FNDC1: variants seen among roughly 807,000 people sequenced by gnomAD.
FNDC1 encodes fibronectin type III domain containing 1, also known as fibronectin type III domain-containing protein 1.
FNDC1 carries 96 observed loss-of-function variants against 168.0 expected under a neutral mutation model. The observed-to-expected ratio is 0.57, with a 90% CI of 0.48 to 0.68. The LOEUF is 0.68. FNDC1 is among the 30% of genes least tolerant of loss of function. The pLI, the probability that FNDC1 is intolerant of heterozygous loss-of-function variation, is 0.00. For missense variants in FNDC1, 2,587 were observed against 2,482.1 expected (o/e 1.04, Z -0.90); for synonymous variants, 1,099 against 1,025.9 (o/e 1.07, Z -1.36).
chr6:159,238,549 T>G lies in FNDC1; in HGVS notation c.4069-5T>G, dbSNP rs1407655487. 6.3e-7 allele frequency: 1 copy of G among 1,597,062 alleles called. No individual in the cohort carries two copies. The highest frequency in any genetic ancestry group is 8.6e-7 in the Non-Finnish European group (1 of 1,168,302). ...TATATTCTTTAATCTATGTCATGGA[T>G]TTAGGTTGTGGACCTTGATCGTGGG... is the stretch of plus-strand genomic sequence containing the variant. On this transcript the variant is annotated splice_region_variant and splice_polypyrimidine_tract_variant and intron_variant, in intron 12 of 22. Transcript: ENST00000297267.
chr6:159,271,277 G>C, intron 22 of FNDC1, 50 bp from the exon 23 acceptor site: 3 of 1,306,038 alleles, frequency 2.3e-6, no homozygotes, highest in Non-Finnish European at 3.3e-6. Flanking sequence ...AGTTCTACCT[G>C]TTGGTTCAGG....
At chr6:159,221,907 A>T (rs1347438529) in intron 6 of FNDC1, among the ~76,000 whole-genome samples, 1 of 152,174 alleles carries the variant, frequency 6.6e-6, no homozygotes, top group East Asian at 1.9e-4. Context: ...TTCACTGTTT[A>T]TTTTGAGCCA....
intron 17 of FNDC1, among the ~76,000 whole-genome samples, chr6:159,254,672 C>T (rs1016310048): frequency 1.5e-3 from 214 of 143,864 alleles, no homozygotes; most frequent in Non-Finnish European, 2.1e-3. Context: ...AGTGCCACTG[C>T]ACTCCAGCCT....
chr6:159,175,146 A>G (rs956948918), intron 1 of FNDC1, among the ~76,000 whole-genome samples: 1 of 152,200 alleles, frequency 6.6e-6, no homozygotes, highest in Non-Finnish European at 1.5e-5. Flanking sequence ...ATAAAGTACA[A>G]TCTACATAAT....
chr6:159,250,879 T>C (rs986431523), intron 16 of FNDC1, among the ~76,000 whole-genome samples: 1 of 152,184 alleles, frequency 6.6e-6, no homozygotes, highest in Non-Finnish European at 1.5e-5. Context: ...TTGATCAGTA[T>C]AGATTTTTTC....
At chr6:159,269,615 C>T (rs1164236551) in intron 22 of FNDC1, among the ~76,000 whole-genome samples, 1 of 150,074 alleles carries the variant, frequency 6.7e-6, no homozygotes, top group African/African-American at 2.5e-5. Context: ...ATCTATCTAT[C>T]TATCTATCTA....
rs1399291623 is a variant in FNDC1 at position 159,236,251 on chromosome 6, T to G, written c.4004T>G (p.Leu1335Arg). 1 of 1,613,702 alleles carries G rather than the reference T, an allele frequency of 6.2e-7. No homozygotes were observed. The highest frequency in any genetic ancestry group is 1.3e-5 in the African/African-American group (1 of 74,942). Reference protein sequence around the residue: ...NGRPNVEGKVLPGSNGKPNGQ... With the variant: ...NGRPNVEGKVRPGSNGKPNGQ... Reference sequence around the variant, plus strand: ...AGACCAAATGTAGAAGGGAAAGTCCTTCCTGGTAGTAATGGAAAACCGAAT... The same window carrying G: ...AGACCAAATGTAGAAGGGAAAGTCCGTCCTGGTAGTAATGGAAAACCGAAT... Residue 1335 changes from leucine to arginine, a missense_variant, in exon 12 of 23, where the codon CTT (leucine) becomes CGT (arginine). Coordinates refer to ENST00000297267, the MANE Select transcript of FNDC1 (RefSeq NM_032532.3).
intron 5 of FNDC1, among the ~76,000 whole-genome samples, chr6:159,217,800 C>A (rs1027028226): frequency 3.9e-5 from 6 of 152,132 alleles, no homozygotes; most frequent in Non-Finnish European, 8.8e-5. Context: ...TCTGTTGCAG[C>A]GGCATGTGAA....
chr6:159,249,848 T>A (rs572480919), intron 16 of FNDC1, among the ~76,000 whole-genome samples: 2 of 152,328 alleles, frequency 1.3e-5, no homozygotes, highest in East Asian at 3.9e-4. Context: ...CAGCTTAAAC[T>A]AATATCACAC....
At chr6:159,245,181 A>G (rs1008176650) in intron 14 of FNDC1, among the ~76,000 whole-genome samples, 2 of 152,210 alleles carry the variant, frequency 1.3e-5, no homozygotes, top group Non-Finnish European at 2.9e-5. Context: ...ACTTTCCACC[A>G]GATCCCTCCC....
At position 159,271,371 on chromosome 6, in the gene FNDC1, A is replaced by G. The variant is rs773849478; in HGVS notation, c.5614A>G (p.Ile1872Val). Residue 1872 changes from isoleucine to valine, a missense_variant, in exon 23 of 23, where the codon ATC becomes GTC. By Grantham distance (29) the Ile-to-Val change is conservative (BLOSUM62 3). Coordinates refer to ENST00000297267, the MANE Select transcript of FNDC1 (RefSeq NM_032532.3). ...YRQEPVRFGN[I>V]GFGTPYYYVG... ...TCAGGAGCCTGTCAGGTTTGGGAACATCGGCTTCGGAACCCCCTACTACTA... is the reference window on the plus strand; with the variant it reads ...TCAGGAGCCTGTCAGGTTTGGGAACGTCGGCTTCGGAACCCCCTACTACTA... 1.1e-5 allele frequency: 18 copies of G among 1,612,580 alleles called. No homozygotes were observed. The East Asian group carries it at 2.2e-4, about 20-fold the overall frequency.
At chr6:159,257,697 C>T (rs1160136665) in intron 18 of FNDC1, among the ~76,000 whole-genome samples, 2 of 152,192 alleles carry the variant, frequency 1.3e-5, no homozygotes, top group Non-Finnish European at 1.5e-5. Context: ...TTCCTCAAGA[C>T]ATTTTAATGT....
chr6:159,234,300 C>T lies in FNDC1; in HGVS notation c.3788C>T (p.Pro1263Leu). The change falls in exon 11 of 23, where the codon CCT becomes CTT. Residue 1263 changes from proline to leucine, a missense_variant. By Grantham distance (98) the Pro-to-Leu change is moderately conservative (BLOSUM62 -3). Transcript: ENST00000297267. ...RASHVPSRLPPRSAATVSPVA... is the reference protein window; with the variant it reads ...RASHVPSRLPLRSAATVSPVA... ...TCCCACGTCCCTTCCCGACTGCCGC[C>T]TCGCAGCGCTGCCACCGTGAGCCCC... 6.2e-7 allele frequency: 1 copy of T among 1,606,176 alleles called. No individual in the cohort carries two copies. Among genetic ancestry groups the T allele is most frequent in the Non-Finnish European group, 8.5e-7 (1 of 1,176,470 alleles).
intron 21 of FNDC1, among the ~76,000 whole-genome samples, chr6:159,267,459 A>T (rs1473956324): frequency 6.6e-6 from 1 of 152,182 alleles, no homozygotes; most frequent in African/African-American, 2.4e-5. Flanking sequence ...TGCCTTTCAT[A>T]GTAACTTCAT....
chr6:159,220,003 T>C (rs2114973880), intron 5 of FNDC1, among the ~76,000 whole-genome samples: 1 of 152,348 alleles, frequency 6.6e-6, no homozygotes, highest in Non-Finnish European at 1.5e-5. Flanking sequence ...CATTCAAGTG[T>C]TACAAACTAT....
chr6:159,232,289 C>G lies in FNDC1; in HGVS notation c.1777C>G (p.Arg593Gly). ...AVRARMPALP[R>G]REGVDKPGFS... ...GAGGGCCCGGATGCCAGCGCTGCCC[C>G]GAAGGGAAGGCGTAGATAAGCCTGG... Residue 593 changes from arginine (R) to glycine (G), a missense_variant, in exon 11 of 23, where the codon CGA (arginine) becomes GGA (glycine). Physicochemically the swap from Arg to Gly is moderately radical, Grantham distance 125 (BLOSUM62 -2). Transcript: ENST00000297267. The surrounding 1 kb of genome is among the most constrained non-coding windows in gnomAD (Gnocchi z 4.9). 6.2e-6 allele frequency: 10 copies of G among 1,611,444 alleles called. No individual in the cohort carries two copies. The highest frequency in any genetic ancestry group is 1.1e-5 in the South Asian group (1 of 90,736).
chr6:159,203,787 G>A (rs1451576534), intron 4 of FNDC1, among the ~76,000 whole-genome samples: 1 of 152,130 alleles, frequency 6.6e-6, no homozygotes. Flanking sequence ...GCAGTGCAGA[G>A]CCAGGCCCTG....
chr6:159,185,751 C>A (rs1781982312), intron 1 of FNDC1, among the ~76,000 whole-genome samples: 1 of 152,206 alleles, frequency 6.6e-6, no homozygotes, highest in Non-Finnish European at 1.5e-5. Flanking sequence ...CAGGACGAAC[C>A]TCCCTATGTC....
At chr6:159,178,661 C>G (rs1781817532) in intron 1 of FNDC1, among the ~76,000 whole-genome samples, 1 of 151,930 alleles carries the variant, frequency 6.6e-6, no homozygotes. Flanking sequence ...CAGTATGTCA[C>G]CTTTTGAGAT....
Sources: gnomAD v4.1 joint callset for allele counts (sites outside exome capture counted in the v4.1 genomes callset) on GRCh38, gnomAD v4.1.1 for gene constraint, Gnocchi (gnomAD v3.1) non-coding constraint, MANE v1.5 for transcripts, NCBI Gene and HGNC (gene_info 2026-07-23, HGNC 2026-07-21) for gene names.